PPA2: variants seen among roughly 807,000 people sequenced by gnomAD.
PPA2 encodes the protein inorganic pyrophosphatase 2, mitochondrial.
A neutral mutation model predicts 49.5 loss-of-function variants in PPA2; 48 were observed. The observed-to-expected ratio is 0.97, with a 90% CI of 0.77 to 1.23. PPA2 has a LOEUF of 1.23. Among genes scored for constraint, PPA2 ranks in the 50% most tolerant of loss-of-function variants. The pLI, the probability that PPA2 is intolerant of heterozygous loss-of-function variation, is 0.00. For missense variants in PPA2, 429 were observed against 410.1 expected, an observed-to-expected ratio of 1.05 and a Z score of -0.40; for synonymous variants, 131 against 139.9, an observed-to-expected ratio of 0.94 and a Z score of 0.45.
At chr4:105,469,208 G>A (rs909477928) in intron 1 of PPA2, among the ~76,000 whole-genome samples, 1 of 152,122 alleles carries the variant, frequency 6.6e-6, no homozygotes, top group Non-Finnish European at 1.5e-5. Flanking sequence ...GTATTTCACT[G>A]TCGTCAAAAA....
Position 105,425,723 on chromosome 4 carries a change from T to TACACAC in PPA2, c.529-1407_529-1402dup, listed in dbSNP as rs59144523. On this transcript the variant is annotated intron_variant, in intron 6 of 11. Coordinates refer to ENST00000341695, the MANE Select transcript of PPA2 (RefSeq NM_176869.3). ...CAGATTGAGAAAGGACACATGCACATACACACACACACACACACACACACA... is the reference window on the plus strand; with the variant it reads ...CAGATTGAGAAAGGACACATGCACATACACACACACACACACACACACACACACACA... Among the ~76,000 whole-genome samples, 517 of 122,494 alleles carry TACACAC rather than the reference T, an allele frequency of 4.2e-3. 2 individuals carry two copies. Among genetic ancestry groups the TACACAC allele is most frequent in the Admixed American group, 0.012 (154 of 12,398 alleles). 80.4% of individuals were successfully genotyped at this position (122,494 alleles called of 152,430 possible).
intron 3 of PPA2, among the ~76,000 whole-genome samples, chr4:105,450,521 T>G (rs897850823): frequency 2.8e-5 from 4 of 140,870 alleles, no homozygotes; most frequent in African/African-American, 7.9e-5. Context: ...GGATTACAGG[T>G]GCCCGCCAGC....
At chr4:105,384,148 G>C (rs1733597678) in intron 10 of PPA2, among the ~76,000 whole-genome samples, 2 of 152,084 alleles carry the variant, frequency 1.3e-5, no homozygotes. Flanking sequence ...GGTGCTAATG[G>C]GGTAATTCTT....
In PPA2 at chr4:105,388,814, G is replaced by T. The variant is rs181277872; in HGVS notation, c.870-2178C>A. On this transcript the variant is annotated intron_variant, in intron 9 of 11. Coordinates refer to ENST00000341695, the MANE Select transcript of PPA2 (RefSeq NM_176869.3). Reference sequence around the variant, plus strand: ...CACTCCAGCTTGGGTGACAGAGCAAGGCAACGTCTCCAAAAAAAAAAGAAA... The same window carrying T: ...CACTCCAGCTTGGGTGACAGAGCAATGCAACGTCTCCAAAAAAAAAAGAAA... Among the ~76,000 whole-genome samples, 52 of 118,278 alleles carry T rather than the reference G, an allele frequency of 4.4e-4. 2 individuals carry two copies. Among genetic ancestry groups the T allele is most frequent in the African/African-American group, 1.8e-3 (52 of 29,384 alleles). 77.6% of individuals were successfully genotyped at this position (118,278 alleles called of 152,430 possible).
intron 8 of PPA2, among the ~76,000 whole-genome samples, chr4:105,396,581 G>A (rs1431198653): frequency 1.3e-5 from 2 of 152,028 alleles, no homozygotes; most frequent in Non-Finnish European, 2.9e-5. Context: ...TCTATATCAG[G>A]GGTTGGCAAA....
At chr4:105,406,257 C>G (rs1722472581) in intron 7 of PPA2, among the ~76,000 whole-genome samples, 2 of 150,996 alleles carry the variant, frequency 1.3e-5, no homozygotes, top group African/African-American at 4.9e-5. Flanking sequence ...ATTATCCAGT[C>G]TAAATAACAG....
chr4:105,399,166 T>A lies in PPA2; in HGVS notation c.656-2A>T. On this transcript the variant is annotated splice_acceptor_variant, in intron 7 of 11. Transcript: ENST00000341695. LOFTEE classifies it high-confidence loss of function. The stretch of plus-strand genomic sequence containing the variant: ...TGAACTTCTTAACATCATCAATATC[T>A]GTAAAGAAAAAAACAAAAAGATGTT... 1 of 1,585,232 alleles carries A rather than the reference T, an allele frequency of 6.3e-7. No individual in the cohort carries two copies. The highest frequency in any genetic ancestry group is 2.2e-5 in the East Asian group (1 of 44,538).
intron 4 of PPA2, among the ~76,000 whole-genome samples, chr4:105,448,975 T>C (rs1197894426): frequency 3.2e-5 from 4 of 126,166 alleles, no homozygotes; most frequent in African/African-American, 1.7e-4. Flanking sequence ...TCCCAGCACT[T>C]TGGGAGGCCG....
chr4:105,400,964 C>G (rs1003198069), intron 7 of PPA2, among the ~76,000 whole-genome samples: 15 of 152,082 alleles, frequency 9.9e-5, no homozygotes, highest in Non-Finnish European at 2.1e-4. Flanking sequence ...TAGGAGAAAA[C>G]AGCTGCATTG....
chr4:105,378,004 T>C (rs540415288), intron 10 of PPA2, among the ~76,000 whole-genome samples: 1 of 152,280 alleles, frequency 6.6e-6, no homozygotes, highest in East Asian at 1.9e-4. Flanking sequence ...AGCATTTGTG[T>C]ACAAGTCTTT....
chr4:105,466,955 G>A (rs948479328), intron 1 of PPA2, among the ~76,000 whole-genome samples: 4 of 152,172 alleles, frequency 2.6e-5, no homozygotes, highest in Admixed American at 1.3e-4. Flanking sequence ...TAGTGCAAAC[G>A]CTTGAGCCCA....
intron 9 of PPA2, among the ~76,000 whole-genome samples, chr4:105,392,114 G>C (rs1733946156): frequency 1.3e-5 from 2 of 151,978 alleles, no homozygotes; most frequent in Non-Finnish European, 2.9e-5. Context: ...AAGTGGGAGA[G>C]GACTGAAGAG....
intron 11 of PPA2, 136 bp downstream of exon 11, chr4:105,370,701 A>T: frequency 8.6e-7 from 1 of 1,160,054 alleles, no homozygotes; most frequent in Middle Eastern, 3.4e-4. Flanking sequence ...TTTAGCGACT[A>T]TTTTAAAAAT....
chr4:105,414,346 G>C (rs115993588), intron 7 of PPA2, among the ~76,000 whole-genome samples: 5,775 of 152,278 alleles, frequency 0.038, 333 homozygotes, highest in African/African-American at 0.12. Flanking sequence ...AACCTCTGTG[G>C]CCAGTGGCGC....
At chr4:105,445,137 T>C (rs1371538758) in intron 5 of PPA2, among the ~76,000 whole-genome samples, 2 of 152,198 alleles carry the variant, frequency 1.3e-5, no homozygotes, top group East Asian at 3.9e-4. Context: ...AAATCCTTAA[T>C]AAATGTTTAA....
intron 5 of PPA2, 96 bp from the exon 6 acceptor site, chr4:105,438,132 T>C: frequency 1.2e-6 from 1 of 851,972 alleles, no homozygotes; most frequent in Non-Finnish European, 1.8e-6. Flanking sequence ...TAGATAACAA[T>C]AATCCAAAGA....
Position 105,474,062 on chromosome 4 carries a change from C to G in PPA2, c.-12G>C. On this transcript the variant is annotated 5_prime_UTR_variant, in exon 1 of 12. Coordinates refer to ENST00000341695, the MANE Select transcript of PPA2 (RefSeq NM_176869.3). ...AGCAGCGCGCTCATGGCGTCAATGA[C>G]GGTCCTGCTGTGCGCGCGGAGCTAC... 1.9e-6 allele frequency: 3 copies of G among 1,561,228 alleles called. No homozygotes were observed. Among genetic ancestry groups the G allele is most frequent in the African/African-American group, 1.4e-5 (1 of 73,326 alleles).
rs142282768 is a variant in PPA2, at chr4:105,391,207, A to C, written c.870-4571T>G. On this transcript the variant is annotated intron_variant, in intron 9 of 11. Transcript: ENST00000341695. ...CTGGTGGGGGGAGGGGAGGGAGATT[A>C]TTAGGACAAATGGCTGATGCAGGCA... Among the ~76,000 whole-genome samples the C allele has an allele frequency of 8.0e-4, 122 of 152,128 alleles. 1 individual carries two copies. Among genetic ancestry groups the C allele is most frequent in the African/African-American group, 2.8e-3 (118 of 41,492 alleles).
chr4:105,385,173 A>G (rs1481110114), intron 10 of PPA2, among the ~76,000 whole-genome samples: 1 of 152,014 alleles, frequency 6.6e-6, no homozygotes, highest in African/African-American at 2.4e-5. Flanking sequence ...TACAACTCCC[A>G]TCCCACTTCT....
Sources: allele counts gnomAD v4.1 joint callset (sites outside exome capture counted in the v4.1 genomes callset), GRCh38; gene constraint gnomAD v4.1.1; transcripts MANE v1.5; gene names NCBI Gene and HGNC (gene_info 2026-07-23, HGNC 2026-07-21).